Variants in ENTPD1 observed in about 807,000 individuals in gnomAD.
ENTPD1 encodes the protein ectonucleoside triphosphate diphosphohydrolase 1.
ENTPD1 carries 33 observed loss-of-function variants against 57.0 expected under a neutral mutation model. That is an observed-to-expected ratio of 0.58 (90% CI 0.44 to 0.77). ENTPD1 has a LOEUF of 0.77. Among genes scored for constraint, ENTPD1 ranks in the 30% least tolerant of loss-of-function variants. The pLI is 0.00. For synonymous variants in ENTPD1, 202 were observed against 218.8 expected, an observed-to-expected ratio of 0.92 and a Z score of 0.68; for missense variants, 501 against 603.4, an observed-to-expected ratio of 0.83 and a Z score of 1.78.
upstream of ENTPD1, chr10:95,755,951 T>C: frequency 6.8e-7 from 1 of 1,471,806 alleles, no homozygotes; most frequent in Non-Finnish European, 9.0e-7. Context: ...GATTTGAATA[T>C]ACATTGCTTC....
Position 95,868,602 on chromosome 10 carries a change from A to G in ENTPD1, c.*2219A>G, listed in dbSNP as rs545816698. On this transcript the variant is annotated 3_prime_UTR_variant, in exon 10 of 10. Transcript: ENST00000371205. ...CAAAGCACTGTCATGCACACAATCT[A>G]TTCTGACCCTCACAACAACCCATAA... is the stretch of plus-strand genomic sequence containing the variant. The G allele has an allele frequency of 5.2e-5, 51 of 985,346 alleles. No individual in the cohort carries two copies. The East Asian group carries it at 4.4e-3, about 85-fold the overall frequency. The allele number at this position is 985,346 out of a possible 1,614,324, so 61.0% of individuals were successfully genotyped here.
intron 2 of ENTPD1, among the ~76,000 whole-genome samples, chr10:95,824,417 G>A (rs1320121984): frequency 6.6e-6 from 1 of 152,230 alleles, no homozygotes; most frequent in Non-Finnish European, 1.5e-5. Flanking sequence ...TAGCAGAGGC[G>A]TGGGTGTCAC....
At chr10:95,754,843 A>G (rs1335685694), upstream of ENTPD1, 1 of 152,244 alleles carries the variant, frequency 6.6e-6, no homozygotes, top group African/African-American at 2.4e-5. Flanking sequence ...TGTATTGAGT[A>G]TATACCATGT....
intron 1 of ENTPD1, among the ~76,000 whole-genome samples, chr10:95,797,920 T>A (rs1036551632): frequency 6.6e-6 from 1 of 152,184 alleles, no homozygotes; most frequent in Non-Finnish European, 1.5e-5. Flanking sequence ...TGGGGAGTTA[T>A]CCTCATAGAG....
At chr10:95,750,197 C>T (rs1210979315) in intron 1 of ENTPD1, among the ~76,000 whole-genome samples, 1 of 152,026 alleles carries the variant, frequency 6.6e-6, no homozygotes, top group African/African-American at 2.4e-5. Context: ...TGGGTCAGCA[C>T]AGTGTTTGTG....
At chr10:95,841,770 C>T (rs2098423133) in intron 3 of ENTPD1, among the ~76,000 whole-genome samples, 1 of 152,164 alleles carries the variant, frequency 6.6e-6, no homozygotes, top group African/African-American at 2.4e-5. Context: ...ACTGGAAAAA[C>T]AGTTTTGCTA....
rs1555281602 is a variant in ENTPD1 at position 95,767,330 on chromosome 10, A to AAAAG, written c.16+11083_16+11086dup. On this transcript the variant is annotated intron_variant, in intron 1 of 9. Transcript: ENST00000371205. ...ACTCCATCTCAAAAAAAAAAAAAAA[A>AAAAG]AAAGAAAGAAAAAAGGAAAGCAAAA... Among the ~76,000 whole-genome samples, 49 of 148,196 alleles carry AAAAG rather than the reference A, an allele frequency of 3.3e-4. 2 individuals carry two copies. Among genetic ancestry groups the AAAAG allele is most frequent in the South Asian group, 6.3e-4 (3 of 4,752 alleles).
intron 1 of ENTPD1, among the ~76,000 whole-genome samples, chr10:95,768,728 C>CA (rs1337489907): frequency 6.6e-6 from 1 of 151,952 alleles, no homozygotes; most frequent in Non-Finnish European, 1.5e-5. Context: ...GTACAGAGTT[C>CA]AAAAAAACAA....
At chr10:95,701,615 A>G in the ENTPD1 span, among the ~76,000 whole-genome samples, 4 of 152,094 alleles carry the variant, frequency 2.6e-5, no homozygotes, top group Admixed American at 6.5e-5. Flanking sequence ...TGAACCTAAT[A>G]AGCAAATAGT....
chr10:95,774,078 T>G (rs537400154), intron 1 of ENTPD1, among the ~76,000 whole-genome samples: 3 of 152,250 alleles, frequency 2.0e-5, no homozygotes, highest in South Asian at 2.1e-4. Flanking sequence ...ATTTCTCTGA[T>G]GACCAGTGAT....
rs184843527 is a variant in ENTPD1 at position 95,799,190 on chromosome 10, T to C, written c.17-24047T>C. On this transcript the variant is annotated intron_variant, in intron 1 of 9. Coordinates refer to ENST00000371205, the MANE Select transcript of ENTPD1 (RefSeq NM_001776.6). ...CAGGGGTACATGTGCAGGTCTGTTA[T>C]ATAGGCAAACTTGTGTCATGGGAGT... 9.2e-5 allele frequency among the ~76,000 whole-genome samples: 14 copies of C among 152,318 alleles called. No homozygotes were observed. In the East Asian group the frequency reaches 2.7e-3, roughly 29 times the overall value.
chr10:95,800,253 G>A (rs772277913), intron 1 of ENTPD1, among the ~76,000 whole-genome samples: 1 of 152,270 alleles, frequency 6.6e-6, no homozygotes, highest in African/African-American at 2.4e-5. Context: ...TCACGTATTG[G>A]TAGGACTGTG....
chr10:95,819,989 G>A (rs1052869480), intron 1 of ENTPD1, among the ~76,000 whole-genome samples: 1 of 152,216 alleles, frequency 6.6e-6, no homozygotes, highest in African/African-American at 2.4e-5. Flanking sequence ...GAGCTTGACT[G>A]TGGCAGTCAT....
intron 7 of ENTPD1, among the ~76,000 whole-genome samples, chr10:95,858,103 G>A (rs1046517298): frequency 6.6e-6 from 1 of 150,598 alleles, no homozygotes; most frequent in African/African-American, 2.5e-5. Context: ...CTTGCAGTGA[G>A]CCGAGATCGC....
chr10:95,787,549 A>G (rs77125110), intron 1 of ENTPD1, among the ~76,000 whole-genome samples: 4,340 of 152,278 alleles, frequency 0.029, 221 homozygotes, highest in African/African-American at 0.098. Context: ...AAAATGAGAA[A>G]GACATTGTTG....
rs1180147326 is a variant in ENTPD1 at position 95,869,744 on chromosome 10, G to T, written c.*3361G>T. The T allele has an allele frequency of 1.1e-6, 1 of 879,778 alleles. No homozygotes were observed. Among genetic ancestry groups the T allele is most frequent in the African/African-American group, 1.8e-5 (1 of 54,992 alleles). 54.5% of individuals were successfully genotyped at this position (879,778 alleles called of 1,614,324 possible). A position where few individuals can be genotyped will look rare whatever the true frequency, so the allele number is the denominator to read the frequency against. On this transcript the variant is annotated 3_prime_UTR_variant, in exon 10 of 10. Transcript: ENST00000371205. Reference sequence around the variant, plus strand: ...GTCCCTGCAAGAGATGGATGGTATGGTACACTCAAACTGGGTAACACAGGA... The same window carrying T: ...GTCCCTGCAAGAGATGGATGGTATGTTACACTCAAACTGGGTAACACAGGA...
intron 8 of ENTPD1, 36 bp from the exon 9 acceptor site, chr10:95,864,688 C>T (rs759254048): frequency 3.7e-6 from 6 of 1,613,738 alleles, no homozygotes; most frequent in South Asian, 1.1e-5. Context: ...AGGTGCCTAT[C>T]ATACGAGTAT....
chr10:95,696,974 T>C, the ENTPD1 span, among the ~76,000 whole-genome samples: 1 of 152,202 alleles, frequency 6.6e-6, no homozygotes, highest in Non-Finnish European at 1.5e-5. Context: ...TGTGCATACA[T>C]GAACATGCCC....
chr10:95,722,548 A>G (rs1378967603), intron 1 of ENTPD1, among the ~76,000 whole-genome samples: 1 of 152,020 alleles, frequency 6.6e-6, no homozygotes, highest in Middle Eastern at 3.2e-3. Flanking sequence ...TCGCAAGAAC[A>G]AAAAACCAAA....
Sources: gnomAD v4.1 joint callset for allele counts (sites outside exome capture counted in the v4.1 genomes callset) on GRCh38, gnomAD v4.1.1 for gene constraint, MANE v1.5 for transcripts, NCBI Gene and HGNC (gene_info 2026-07-23, HGNC 2026-07-21) for gene names.